Variants in CD46 observed in about 807,000 individuals in gnomAD.
CD46 encodes CD46 molecule.
In CD46, 30 loss-of-function variants were observed where a neutral mutation model predicts 53.3. The ratio of observed to expected loss-of-function variants is 0.56; its 90% CI spans 0.42 to 0.76. CD46 has a LOEUF of 0.76. Ranked by LOEUF, CD46 falls within the 30% of genes least tolerant of loss-of-function variation. The pLI is 0.00. For synonymous variants in CD46, 142 were observed against 152.0 expected, an observed-to-expected ratio of 0.93 and a Z score of 0.48; for missense variants, 409 against 463.0, an observed-to-expected ratio of 0.88 and a Z score of 1.07.
At chr1:207,770,164 T>A (rs1657329727) in intron 7 of CD46, 157 bp from the exon 8 acceptor site, 1 of 646,468 alleles carries the variant, frequency 1.5e-6, no homozygotes, top group Non-Finnish European at 2.8e-6. Flanking sequence ...CTTGTGCAAA[T>A]ATATATGTAG....
intron 1 of CD46, among the ~76,000 whole-genome samples, chr1:207,755,058 G>A (rs1172198414): frequency 2.0e-5 from 3 of 151,700 alleles, no homozygotes; most frequent in Non-Finnish European, 4.4e-5. Context: ...CATGGTCAAG[G>A]CTGCAGTGAG....
chr1:207,755,199 C>T (rs903550163), intron 1 of CD46, among the ~76,000 whole-genome samples: 2 of 151,644 alleles, frequency 1.3e-5, no homozygotes, highest in East Asian at 1.9e-4. Flanking sequence ...ATAATGAAAG[C>T]GATTTGAAAT....
At position 207,793,833 on chromosome 1, in the gene CD46, C is replaced by G; in HGVS notation, c.*356C>G. ...TTATTGGACCAGTCAGCACAGCATG[C>G]CTGGTTGTATTAAAGCAGGGATATG... is the stretch of plus-strand genomic sequence containing the variant. On this transcript the variant is annotated 3_prime_UTR_variant, in exon 13 of 13. Transcript: ENST00000367042. 5.8e-6 allele frequency: 3 copies of G among 515,586 alleles called. No individual in the cohort carries two copies. 31.9% of individuals were successfully genotyped at this position (515,586 alleles called of 1,614,324 possible).
rs2102511373 is a variant in CD46 at position 207,752,186 on chromosome 1, G to A, written c.-27G>A. 6.2e-7 allele frequency: 1 copy of A among 1,608,066 alleles called. No individual in the cohort carries two copies. On this transcript the variant is annotated 5_prime_UTR_variant, in exon 1 of 13. Transcript: ENST00000367042. This position sits in a 1 kb window ranked among gnomAD's most constrained non-coding sequence, Gnocchi z 4.1. ...CTCGGTTTCTCTGCTTTCCTCCGGA[G>A]AAATAACAGCGTCTTCCGCGCCGCG... is the stretch of plus-strand genomic sequence containing the variant.
chr1:207,759,743 T>A lies in CD46; in HGVS notation c.475+19T>A. The stretch of plus-strand genomic sequence containing the variant: ...TGTGAAAGTAAGTAAATTCTTTTTT[T>A]TTAAATTTAGACCAGTAGTCCTCAA... On this transcript the variant is annotated intron_variant, in intron 4 of 12. Coordinates refer to ENST00000367042, the MANE Select transcript of CD46 (RefSeq NM_172351.3). 6.6e-7 allele frequency: 1 copy of A among 1,514,074 alleles called. No homozygotes were observed. Among genetic ancestry groups the A allele is most frequent in the Non-Finnish European group, 9.2e-7 (1 of 1,090,778 alleles). The allele number at this position is 1,514,074 out of a possible 1,614,324, so 93.8% of individuals were successfully genotyped here.
At chr1:207,787,696 C>T (rs1238737674) in intron 11 of CD46, among the ~76,000 whole-genome samples, 1 of 152,136 alleles carries the variant, frequency 6.6e-6, no homozygotes, top group Non-Finnish European at 1.5e-5. Context: ...GCGTGGGAAT[C>T]TTTTAGAATA....
rs1656996869 is a variant in CD46, at chr1:207,767,528, C to A, written c.857-251C>A. ...GGGCATTTTTATCTAAGTAAGTCAA[C>A]AATGGCATAATTCATATAAATGAAA... On this transcript the variant is annotated intron_variant, in intron 6 of 12. Coordinates refer to ENST00000367042, the MANE Select transcript of CD46 (RefSeq NM_172351.3). The A allele has an allele frequency of 3.4e-6, 4 of 1,171,814 alleles. No homozygotes were observed. The East Asian group carries it at 9.3e-5, about 27-fold the overall frequency. 72.6% of individuals were successfully genotyped at this position (1,171,814 alleles called of 1,614,324 possible). A position where few individuals can be genotyped will look rare whatever the true frequency, so the allele number is the denominator to read the frequency against.
intron 5 of CD46, among the ~76,000 whole-genome samples, chr1:207,765,269 G>A (rs925534436): frequency 3.3e-5 from 5 of 152,118 alleles, no homozygotes; most frequent in Admixed American, 6.5e-5. Flanking sequence ...ATTTTTTCAT[G>A]ATAAAACTTC....
chr1:207,765,059 A>T (rs550314454), intron 5 of CD46, among the ~76,000 whole-genome samples: 5 of 152,234 alleles, frequency 3.3e-5, no homozygotes, highest in African/African-American at 7.2e-5. Context: ...AATATTAGCA[A>T]ACCAAATCCT....
At chr1:207,780,991 C>T (rs1030328283) in intron 8 of CD46, among the ~76,000 whole-genome samples, 15 of 150,968 alleles carry the variant, frequency 9.9e-5, no homozygotes, top group Admixed American at 4.0e-4. Flanking sequence ...ACAAACACAC[C>T]CCTGCAATAA....
intron 7 of CD46, chr1:207,769,004 A>G (rs1657164103): frequency 6.6e-6 from 1 of 152,258 alleles, no homozygotes; most frequent in Admixed American, 6.5e-5. Context: ...TCACACCTGT[A>G]ATACCAGAAC....
At chr1:207,753,784 T>C (rs1388923078) in intron 1 of CD46, among the ~76,000 whole-genome samples, 1 of 152,230 alleles carries the variant, frequency 6.6e-6, no homozygotes, top group African/African-American at 2.4e-5. Context: ...GTTTCTGCCT[T>C]CATGTGCGCG....
intron 9 of CD46, among the ~76,000 whole-genome samples, chr1:207,784,054 G>T (rs1163763415): frequency 6.6e-6 from 1 of 152,172 alleles, no homozygotes; most frequent in Non-Finnish European, 1.5e-5. Flanking sequence ...AGTCAAAAAT[G>T]TATTCTCAAA....
intron 5 of CD46, among the ~76,000 whole-genome samples, chr1:207,764,969 C>A (rs866189797): frequency 6.6e-6 from 1 of 152,078 alleles, no homozygotes; most frequent in South Asian, 2.1e-4. Flanking sequence ...TGTCCTTATA[C>A]GAAAACCAGA....
chr1:207,775,071 CTTTG>C lies in CD46; in HGVS notation c.943+4717_943+4720del, dbSNP rs550177685. ...CACATAGTCCCATATTTCTTGGAGG[CTTTG>C]TTTGTTTCTTTTCACTTTTTTCTCT... On this transcript the variant is annotated intron_variant, in intron 8 of 12. Coordinates refer to ENST00000367042, the MANE Select transcript of CD46 (RefSeq NM_172351.3). Among the ~76,000 whole-genome samples, 402 of 152,232 alleles carry C rather than the reference CTTTG, an allele frequency of 2.6e-3. 3 individuals are homozygous for C. The highest frequency in any genetic ancestry group is 4.1e-3 in the Non-Finnish European group (280 of 68,024).
At chr1:207,779,669 T>G (rs1658503578) in intron 8 of CD46, among the ~76,000 whole-genome samples, 2 of 152,156 alleles carry the variant, frequency 1.3e-5, no homozygotes. Context: ...CTTTGGTCTT[T>G]GCACTTAAAT....
At chr1:207,761,532 G>GCTTT in intron 5 of CD46, 86 bp downstream of exon 5, 2 of 1,060,084 alleles carry the variant, frequency 1.9e-6, no homozygotes, top group Non-Finnish European at 2.9e-6. Context: ...AAACAAAGCA[G>GCTTT]GTGTATGTGC....
chr1:207,760,339 T>C (rs1656038278), intron 4 of CD46: 1 of 152,716 alleles, frequency 6.5e-6, no homozygotes, highest in South Asian at 2.1e-4. Flanking sequence ...AAGATTGTAT[T>C]TGGCCTGTTG....
rs1655024301 is a variant in CD46, at chr1:207,752,434, G to A, written c.97+125G>A. ...TTGGGGACAGGGTTCTCTGAGGGGT[G>A]CAGTGCTCAGATCCCGGGGGTATGT... On this transcript the variant is annotated intron_variant, in intron 1 of 12. Transcript: ENST00000367042. This position sits in a 1 kb window ranked among gnomAD's most constrained non-coding sequence, Gnocchi z 4.1. 1.1e-6 allele frequency: 1 copy of A among 889,374 alleles called. No homozygotes were observed. The highest frequency in any genetic ancestry group is 1.6e-5 in the African/African-American group (1 of 61,222). The allele number at this position is 889,374 out of a possible 1,614,324, so 55.1% of individuals were successfully genotyped here. A position where few individuals can be genotyped will look rare whatever the true frequency, so the allele number is the denominator to read the frequency against.
Sources: allele counts gnomAD v4.1 joint callset (sites outside exome capture counted in the v4.1 genomes callset), GRCh38; gene constraint gnomAD v4.1.1; non-coding constraint Gnocchi (gnomAD v3.1); transcripts MANE v1.5; gene names NCBI Gene and HGNC (gene_info 2026-07-23, HGNC 2026-07-21).